The following SYK variants were observed in gnomAD, a reference collection of about 807,000 sequenced individuals.
SYK encodes spleen associated tyrosine kinase.
A neutral mutation model predicts 77.8 loss-of-function variants in SYK; 16 were observed. That is an observed-to-expected ratio of 0.21 (90% CI 0.14 to 0.31). The LOEUF is 0.31. Ranked by LOEUF, SYK falls within the 10% of genes least tolerant of loss-of-function variation. SYK has a pLI of 1.00. For missense variants in SYK, 529 were observed against 814.4 expected, an observed-to-expected ratio of 0.65 and a Z score of 4.26; for synonymous variants, 312 against 308.7, an observed-to-expected ratio of 1.01 and a Z score of -0.11.
At chr9:90,868,973 T>A (rs1050126504) in intron 7 of SYK, among the ~76,000 whole-genome samples, 5 of 152,186 alleles carry the variant, frequency 3.3e-5, no homozygotes, top group African/African-American at 1.2e-4. Flanking sequence ...GATCTAGAAT[T>A]GTTTTCAAAA....
intron 13 of SYK, among the ~76,000 whole-genome samples, chr9:90,891,956 C>T (rs1038359192): frequency 2.0e-5 from 3 of 152,136 alleles, no homozygotes; most frequent in Admixed American, 1.3e-4. Flanking sequence ...CATCCCTCAC[C>T]CTTGTAAGAC....
intron 1 of SYK, among the ~76,000 whole-genome samples, chr9:90,828,828 C>T (rs1825773627): frequency 2.0e-5 from 3 of 152,170 alleles, no homozygotes; most frequent in Admixed American, 1.3e-4. Context: ...CAGCACAGCA[C>T]GGTGACTTGA....
chr9:90,859,716 T>C (rs1827177920), intron 3 of SYK, among the ~76,000 whole-genome samples: 1 of 152,184 alleles, frequency 6.6e-6, no homozygotes, highest in African/African-American at 2.4e-5. Flanking sequence ...ACAAGCAACG[T>C]AGGAGGGGCC....
intron 13 of SYK, among the ~76,000 whole-genome samples, chr9:90,890,025 T>C (rs1447799897): frequency 6.6e-6 from 1 of 152,218 alleles, no homozygotes; most frequent in African/African-American, 2.4e-5. Flanking sequence ...GTTTAAAACA[T>C]TGTGATACAA....
At position 90,880,873 on chromosome 9, in the gene SYK, A is replaced by T. The variant is rs935252933; in HGVS notation, c.1581+1920A>T. Among the ~76,000 whole-genome samples, 8 of 152,230 alleles carry T rather than the reference A, an allele frequency of 5.3e-5. No homozygotes were observed. In the South Asian group the frequency reaches 8.3e-4, roughly 16 times the overall value. ...GCTGGTTAGACACAGCCCATGCTGG[A>T]GACCTCTGCGGGGCTGTCAGCCAGC... On this transcript the variant is annotated intron_variant, in intron 11 of 13. Coordinates refer to ENST00000375754, the MANE Select transcript of SYK (RefSeq NM_003177.7).
At position 90,884,546 on chromosome 9, in the gene SYK, TACAC is replaced by T. The variant is rs1828378699; in HGVS notation, c.1582-3201_1582-3198del. ...ACACATATGTGTACATGTACATACA[TACAC>T]ATACACATATGTGTACATGTACATA... On this transcript the variant is annotated intron_variant, in intron 11 of 13. Coordinates refer to ENST00000375754, the MANE Select transcript of SYK (RefSeq NM_003177.7). Among the ~76,000 whole-genome samples the T allele has an allele frequency of 1.9e-5, 2 of 107,382 alleles. 1 individual carries two copies. Among genetic ancestry groups the T allele is most frequent in the Admixed American group, 1.8e-4 (2 of 10,936 alleles). 70.4% of individuals were successfully genotyped at this position (107,382 alleles called of 152,430 possible).
rs1191829249 is a variant in SYK, at chr9:90,812,772, TGTGTGTGAGAGAGA to T, written c.-42+10881_-42+10894del. On this transcript the variant is annotated intron_variant, in intron 1 of 13. Coordinates refer to ENST00000375754, the MANE Select transcript of SYK (RefSeq NM_003177.7). ...GTGTGTGTGTGTGTGTGTGTGTGTG[TGTGTGTGAGAGAGA>T]GAGATTGAGAGAGAGAGGGCTCGTG... 4.1e-4 allele frequency among the ~76,000 whole-genome samples: 37 copies of T among 90,026 alleles called. 1 individual carries two copies. Among genetic ancestry groups the T allele is most frequent in the Admixed American group, 3.6e-3 (27 of 7,524 alleles). 59.1% of individuals were successfully genotyped at this position (90,026 alleles called of 152,430 possible). A position where few individuals can be genotyped will look rare whatever the true frequency, so the allele number is the denominator to read the frequency against.
At chr9:90,862,084 C>A in intron 3 of SYK, 122 bp from the exon 4 acceptor site, 1 of 1,284,420 alleles carries the variant, frequency 7.8e-7, no homozygotes, top group Non-Finnish European at 1.0e-6. Context: ...CCTCCAGCTG[C>A]CTTGCCAGGT....
Position 90,872,210 on chromosome 9 carries a change from T to C in SYK, c.916-1994T>C, listed in dbSNP as rs191089281. 1.9e-4 allele frequency among the ~76,000 whole-genome samples: 29 copies of C among 152,306 alleles called. No homozygotes were observed. In the East Asian group the frequency reaches 5.4e-3, roughly 28 times the overall value. ...GGAAGTCCTCCTGGTCTGGAGAACATTCTGTGAGGTAGAGAGGCTGCAACC... is the reference window on the plus strand; with the variant it reads ...GGAAGTCCTCCTGGTCTGGAGAACACTCTGTGAGGTAGAGAGGCTGCAACC... On this transcript the variant is annotated intron_variant, in intron 7 of 13. Coordinates refer to ENST00000375754, the MANE Select transcript of SYK (RefSeq NM_003177.7).
At chr9:90,813,818 G>T (rs544748477) in intron 1 of SYK, among the ~76,000 whole-genome samples, 1 of 152,214 alleles carries the variant, frequency 6.6e-6, no homozygotes, top group Non-Finnish European at 1.5e-5. Flanking sequence ...CAAATAAGCT[G>T]TGTCTAGATC....
intron 2 of SYK, 142 bp from the exon 3 acceptor site, chr9:90,845,291 TG>T: frequency 1.2e-6 from 1 of 843,468 alleles, no homozygotes; most frequent in Non-Finnish European, 1.8e-6. Flanking sequence ...AAGGTCTTTC[TG>T]GTTTTATTTA....
intron 1 of SYK, among the ~76,000 whole-genome samples, chr9:90,806,524 T>C (rs544792485): frequency 3.9e-5 from 6 of 152,276 alleles, no homozygotes; most frequent in African/African-American, 1.4e-4. Context: ...CATGATCCAC[T>C]GTGCCCAGCC....
chr9:90,806,168 G>C (rs1433848897), intron 1 of SYK, among the ~76,000 whole-genome samples: 1 of 152,084 alleles, frequency 6.6e-6, no homozygotes, highest in Non-Finnish European at 1.5e-5. Flanking sequence ...TTTGCACTGT[G>C]CCTATTATCA....
chr9:90,866,298 C>T (rs886674154), intron 6 of SYK, among the ~76,000 whole-genome samples: 2 of 152,192 alleles, frequency 1.3e-5, no homozygotes, highest in African/African-American at 4.8e-5. Context: ...CTGCAGAAAG[C>T]CAAATATACA....
At chr9:90,860,859 C>A (rs894104934) in intron 3 of SYK, among the ~76,000 whole-genome samples, 2 of 152,100 alleles carry the variant, frequency 1.3e-5, no homozygotes, top group Non-Finnish European at 2.9e-5. Flanking sequence ...TTCTTGCAAC[C>A]AGGAGGAGGC....
At chr9:90,877,815 T>C in intron 10 of SYK, 35 bp downstream of exon 10, 1 of 1,611,256 alleles carries the variant, frequency 6.2e-7, no homozygotes, top group East Asian at 2.2e-5. Flanking sequence ...CTGGAAGCTA[T>C]CCCCTAAGGG....
chr9:90,815,854 A>G (rs762042136), intron 1 of SYK, among the ~76,000 whole-genome samples: 30 of 152,296 alleles, frequency 2.0e-4, no homozygotes, highest in South Asian at 6.2e-4. Context: ...ATCAGTTTTG[A>G]ACCCCAGAAC....
At chr9:90,814,892 G>A (rs1305825092) in intron 1 of SYK, among the ~76,000 whole-genome samples, 2 of 151,642 alleles carry the variant, frequency 1.3e-5, no homozygotes, top group Admixed American at 6.6e-5. Context: ...TCAGTCACCC[G>A]GGAACTGACA....
intron 1 of SYK, among the ~76,000 whole-genome samples, chr9:90,830,799 A>T (rs1038712374): frequency 2.6e-5 from 4 of 151,918 alleles, no homozygotes; most frequent in African/African-American, 4.8e-5. Context: ...GTTAGCCAGG[A>T]TGGTCTCAAT....
Sources: gnomAD v4.1 joint callset for allele counts (sites outside exome capture counted in the v4.1 genomes callset) on GRCh38, gnomAD v4.1.1 for gene constraint, MANE v1.5 for transcripts, NCBI Gene and HGNC (gene_info 2026-07-23, HGNC 2026-07-21) for gene names.